The following MICOS10 variants were observed in gnomAD, a reference collection of about 807,000 sequenced individuals.
MICOS10 encodes the protein mitochondrial contact site and cristae organizing system subunit 10.
A neutral mutation model predicts 13.4 loss-of-function variants in MICOS10; 5 were observed. That is an observed-to-expected ratio of 0.37 (90% CI 0.20 to 0.78). The LOEUF (loss-of-function observed/expected upper bound fraction) is 0.78, where lower values mean the gene tolerates loss of function less well. MICOS10 is among the 30% of genes least tolerant of loss of function. The probability of loss-of-function intolerance (pLI) is 0.47; values close to 1 mark genes in which losing one functional copy is unlikely to be tolerated. For synonymous variants in MICOS10, 35 were observed against 33.6 expected (o/e 1.04, Z -0.15); for missense variants, 101 against 94.6 (o/e 1.07, Z -0.28).
Position 19,626,460 on chromosome 1 carries a change from T to TAA in MICOS10, c.*60_*61insAA. 6 of 1,592,382 alleles carry TAA rather than the reference T, an allele frequency of 3.8e-6. No homozygotes were observed. The highest frequency in any genetic ancestry group is 5.2e-6 in the Non-Finnish European group (6 of 1,160,972). On this transcript the variant is annotated 3_prime_UTR_variant, in exon 4 of 4. Coordinates refer to ENST00000322753, the MANE Select transcript of MICOS10 (RefSeq NM_001032363.4). ...AGAAATCATGTTTATTCCTCAGGAATACTGAAGTGCCCTGGAGTAAGCTGC... is the reference window on the plus strand; with the variant it reads ...AGAAATCATGTTTATTCCTCAGGAATAAACTGAAGTGCCCTGGAGTAAGCTGC...
intron 3 of MICOS10, chr1:19,625,662 C>G (rs972547215): frequency 7.1e-5 from 91 of 1,273,718 alleles, no homozygotes; most frequent in Middle Eastern, 6.5e-4. Flanking sequence ...TCCATTGTTC[C>G]AAACTGAGTT....
At chr1:19,615,218 A>C (rs914130880) in intron 1 of MICOS10, among the ~76,000 whole-genome samples, 1 of 152,238 alleles carries the variant, frequency 6.6e-6, no homozygotes, top group African/African-American at 2.4e-5. Flanking sequence ...CCCTTGCTGA[A>C]GCCAGTACTC....
rs200222512 is a variant in MICOS10, at chr1:19,597,019, G to A, written c.-27G>A. 100 of 1,573,798 alleles carry A rather than the reference G, an allele frequency of 6.4e-5. No homozygotes were observed. The Admixed American group carries it at 1.4e-3, about 22-fold the overall frequency. On this transcript the variant is annotated 5_prime_UTR_variant, in exon 1 of 4. Coordinates refer to ENST00000322753, the MANE Select transcript of MICOS10 (RefSeq NM_001032363.4). Reference sequence around the variant, plus strand: ...GTCGGAGCGCGGGGGCCGGCCGAGAGGAAAGCTGGAGGCGCGGGTGGGGAA... The same window carrying A: ...GTCGGAGCGCGGGGGCCGGCCGAGAAGAAAGCTGGAGGCGCGGGTGGGGAA...
Position 19,627,941 on chromosome 1 carries a change from C to G in MICOS10, c.*1540C>G, listed in dbSNP as rs776397434. ...CAAACTGTCCAGGCTCCTCTGCCCT[C>G]TGGGCTTGTTTTCCTCTTTATTGCT... is the stretch of plus-strand genomic sequence containing the variant. On this transcript the variant is annotated 3_prime_UTR_variant, in exon 4 of 4. Coordinates refer to ENST00000322753, the MANE Select transcript of MICOS10 (RefSeq NM_001032363.4). The G allele has an allele frequency of 6.6e-6, 1 of 152,306 alleles. No homozygotes were observed. The highest frequency in any genetic ancestry group is 1.5e-5 in the Non-Finnish European group (1 of 68,084). 9.4% of individuals were successfully genotyped at this position (152,306 alleles called of 1,614,324 possible).
rs2094825144 is a variant in MICOS10, at chr1:19,603,843, G to T, written c.64+6734G>T. 2.0e-5 allele frequency among the ~76,000 whole-genome samples: 3 copies of T among 152,210 alleles called. No homozygotes were observed. In the South Asian group the frequency reaches 6.2e-4, roughly 31 times the overall value. ...CAGAGGGCTGGCTGGGATGAAGGCA[G>T]GGAGGAGATGTCATGGTGGAGGGAG... On this transcript the variant is annotated intron_variant, in intron 1 of 3. Transcript: ENST00000322753.
At chr1:19,614,345 T>TA (rs2094875174) in intron 1 of MICOS10, among the ~76,000 whole-genome samples, 1 of 149,684 alleles carries the variant, frequency 6.7e-6, no homozygotes. Context: ...AAAGCCCAGA[T>TA]ACACACACAC....
At chr1:19,614,012 C>T (rs949284228) in intron 1 of MICOS10, among the ~76,000 whole-genome samples, 43 of 152,156 alleles carry the variant, frequency 2.8e-4, no homozygotes, top group African/African-American at 1.0e-3. Flanking sequence ...GAATGCTATT[C>T]CCTTTATTTA....
intron 1 of MICOS10, among the ~76,000 whole-genome samples, chr1:19,607,063 G>A (rs1460432800): frequency 6.6e-6 from 1 of 152,222 alleles, no homozygotes; most frequent in Non-Finnish European, 1.5e-5. Flanking sequence ...TCTATTTCAT[G>A]GAGTGATATC....
At chr1:19,613,647 G>A (rs1476749316) in intron 1 of MICOS10, among the ~76,000 whole-genome samples, 2 of 152,202 alleles carry the variant, frequency 1.3e-5, no homozygotes, top group African/African-American at 4.8e-5. Context: ...TCCCCAGGGC[G>A]TGGCATAGTA....
chr1:19,623,481 G>T lies in MICOS10; in HGVS notation c.120G>T (p.Met40Ile). The change falls in exon 3 of 4, where the codon ATG (methionine) becomes ATT (isoleucine). Residue 40 changes from methionine to isoleucine, a missense_variant. Coordinates refer to ENST00000322753, the MANE Select transcript of MICOS10 (RefSeq NM_001032363.4). ...VFSLTFFKRR[M>I]WPLAFGSGMG... ...CCCTTTTTTGCTCACTAGGAAGAAT[G>T]TGGCCATTAGCCTTCGGTTCTGGCA... The T allele has an allele frequency of 6.2e-7, 1 of 1,607,518 alleles. No individual in the cohort carries two copies.
At chr1:19,621,288 A>G (rs891160942) in intron 1 of MICOS10, among the ~76,000 whole-genome samples, 3 of 152,174 alleles carry the variant, frequency 2.0e-5, no homozygotes, top group African/African-American at 7.2e-5. Context: ...GAATGAATCT[A>G]ACAGGCCCTT....
intron 1 of MICOS10, among the ~76,000 whole-genome samples, chr1:19,610,346 ACCCCACC>A (rs1331955556): frequency 5.1e-5 from 2 of 39,288 alleles, no homozygotes; most frequent in African/African-American, 8.4e-5. Flanking sequence ...AATCAAAGTC[ACCCCACC>A]CCCCACCCCC....
intron 1 of MICOS10, among the ~76,000 whole-genome samples, chr1:19,605,009 T>C (rs762705480): frequency 6.6e-6 from 1 of 152,204 alleles, no homozygotes; most frequent in Non-Finnish European, 1.5e-5. Flanking sequence ...TGTTATATTT[T>C]ACATCATTAT....
intron 1 of MICOS10, among the ~76,000 whole-genome samples, chr1:19,608,871 T>TC (rs1283519027): frequency 1.3e-5 from 2 of 150,856 alleles, no homozygotes; most frequent in South Asian, 2.1e-4. Flanking sequence ...ATTTTAAGGT[T>TC]CCCCCCCACC....
chr1:19,603,072 G>A (rs1447064460), intron 1 of MICOS10, among the ~76,000 whole-genome samples: 2 of 152,156 alleles, frequency 1.3e-5, no homozygotes, highest in Non-Finnish European at 2.9e-5. Context: ...GCTCACACCT[G>A]TAATCCCAGC....
chr1:19,598,706 C>A (rs1473141753), intron 1 of MICOS10, among the ~76,000 whole-genome samples: 1 of 151,686 alleles, frequency 6.6e-6, no homozygotes, highest in East Asian at 1.9e-4. Context: ...CCCATCCTTA[C>A]TAATTTTGTA....
intron 1 of MICOS10, among the ~76,000 whole-genome samples, chr1:19,598,695 G>A (rs997190230): frequency 6.6e-6 from 1 of 151,484 alleles, no homozygotes; most frequent in African/African-American, 2.4e-5. Context: ...CACTCTTCTC[G>A]CCCATCCTTA....
chr1:19,601,230 C>A (rs112174367), intron 1 of MICOS10: 2 of 344,674 alleles, frequency 5.8e-6, no homozygotes, highest in African/African-American at 2.1e-5. Flanking sequence ...TGATTTTGTC[C>A]TGTAGGAAGA....
At position 19,608,120 on chromosome 1, in the gene MICOS10, C is replaced by T. The variant is rs2094842431; in HGVS notation, c.64+11011C>T. The T allele has an allele frequency of 4.6e-6, 5 of 1,098,116 alleles. No individual in the cohort carries two copies. The African/African-American group carries it at 4.6e-5, about 10-fold the overall frequency. The allele number at this position is 1,098,116 out of a possible 1,614,324, so 68.0% of individuals were successfully genotyped here. ...CTGGAGACGACGTGCAGAAATGGCA[C>T]CTGGAAAGGGGAAGGAAAAGAAGGA... On this transcript the variant is annotated intron_variant, in intron 1 of 3. Transcript: ENST00000322753.
Sources: allele counts gnomAD v4.1 joint callset (sites outside exome capture counted in the v4.1 genomes callset), GRCh38; gene constraint gnomAD v4.1.1; transcripts MANE v1.5; gene names NCBI Gene and HGNC (gene_info 2026-07-23, HGNC 2026-07-21).